BTBD16: variants seen among roughly 807,000 people sequenced by gnomAD.
BTBD16 encodes the protein BTB/POZ domain-containing protein 16.
A neutral mutation model predicts 67.4 loss-of-function variants in BTBD16; 66 were observed. The observed-to-expected ratio is 0.98, with a 90% CI of 0.80 to 1.20. The LOEUF is 1.20. Ranked by LOEUF, BTBD16 falls within the 50% of genes most tolerant of loss-of-function variation. The pLI is 0.00. For missense variants in BTBD16, 634 were observed against 616.0 expected (o/e 1.03, Z -0.31); for synonymous variants, 242 against 236.4 (o/e 1.02, Z -0.22).
intron 7 of BTBD16, among the ~76,000 whole-genome samples, chr10:122,294,545 TG>T (rs1340890190): frequency 7.2e-6 from 1 of 139,500 alleles, no homozygotes; most frequent in East Asian, 2.2e-4. Flanking sequence ...TGTGCATGCA[TG>T]TGTATGCACA....
In BTBD16 at chr10:122,291,132, G is replaced by A; in HGVS notation, c.528G>A (p.Leu176=). The change falls in exon 7 of 16, where the codon TTG becomes TTA. Residue 176 remains leucine (L), a synonymous_variant. Transcript: ENST00000260723. ...ACATGAGTGAGGTGGAGATTAACTT[G>A]GAAGACCTACTGGGAGTGCTGGCTT... ...NLYMSEVEIN[L]EDLLGVLASA... is the part of the protein sequence containing the mutation. The A allele has an allele frequency of 6.2e-7, 1 of 1,613,748 alleles. No individual in the cohort carries two copies. The highest frequency in any genetic ancestry group is 1.1e-5 in the South Asian group (1 of 90,948).
At chr10:122,312,692 G>T (rs967558402) in intron 10 of BTBD16, among the ~76,000 whole-genome samples, 1 of 152,102 alleles carries the variant, frequency 6.6e-6, no homozygotes, top group Non-Finnish European at 1.5e-5. Flanking sequence ...CTGCTAATGA[G>T]GTTGAGCATT....
At chr10:122,329,434 A>C in intron 10 of BTBD16, 46 bp from the exon 11 acceptor site, 1 of 1,576,236 alleles carries the variant, frequency 6.3e-7, no homozygotes, top group Non-Finnish European at 8.7e-7. Context: ...AATTCCAGAG[A>C]GGAGTTTGCT....
At chr10:122,320,487 CTT>C (rs1013015863) in intron 10 of BTBD16, among the ~76,000 whole-genome samples, 2 of 151,772 alleles carry the variant, frequency 1.3e-5, no homozygotes, top group African/African-American at 4.8e-5. Context: ...TGGTTTAAGA[CTT>C]TTTTTTCTAA....
intron 1 of BTBD16, among the ~76,000 whole-genome samples, chr10:122,272,199 A>C (rs999424083): frequency 2.6e-5 from 4 of 152,270 alleles, no homozygotes; most frequent in African/African-American, 7.2e-5. Context: ...ATTGCTGTAA[A>C]CTCAAGTGCA....
rs745931967 is a variant in BTBD16 at position 122,290,012 on chromosome 10, C to T, written c.475+14C>T. The T allele has an allele frequency of 1.3e-5, 19 of 1,499,888 alleles. No individual in the cohort carries two copies. Among genetic ancestry groups the T allele is most frequent in the Non-Finnish European group, 1.7e-5 (18 of 1,084,108 alleles). The allele number at this position is 1,499,888 out of a possible 1,614,324, so 92.9% of individuals were successfully genotyped here. On this transcript the variant is annotated intron_variant, in intron 6 of 15. Transcript: ENST00000260723. The stretch of plus-strand genomic sequence containing the variant: ...TCACTAAAGTCGGTATGTATATACC[C>T]GTCTATATTCTGAGAATGCCATTGA...
intron 5 of BTBD16, chr10:122,287,632 G>T (rs1343442242): frequency 4.7e-6 from 1 of 211,364 alleles, no homozygotes; most frequent in African/African-American, 2.4e-5. Flanking sequence ...CTTTAAAAGC[G>T]AAAATATCTC....
chr10:122,322,205 G>A (rs749513817), intron 10 of BTBD16, among the ~76,000 whole-genome samples: 8 of 151,628 alleles, frequency 5.3e-5, no homozygotes, highest in Non-Finnish European at 7.4e-5. Flanking sequence ...TTTTCTCTTC[G>A]TTATTTCCTT....
intron 7 of BTBD16, among the ~76,000 whole-genome samples, chr10:122,294,452 A>G (rs561705271): frequency 6.6e-6 from 1 of 152,026 alleles, no homozygotes; most frequent in East Asian, 1.9e-4. Context: ...TGTTCCTTTG[A>G]CTCTCATGTC....
At chr10:122,298,084 C>G (rs1363959591) in intron 8 of BTBD16, among the ~76,000 whole-genome samples, 1 of 152,126 alleles carries the variant, frequency 6.6e-6, no homozygotes, top group African/African-American at 2.4e-5. Flanking sequence ...GAAGAAGCAG[C>G]ATAGCCTTTC....
At chr10:122,292,876 A>G (rs1168242488) in intron 7 of BTBD16, among the ~76,000 whole-genome samples, 1 of 152,250 alleles carries the variant, frequency 6.6e-6, no homozygotes, top group Non-Finnish European at 1.5e-5. Flanking sequence ...TATAATAAGA[A>G]AGAGCATTTC....
intron 9 of BTBD16, among the ~76,000 whole-genome samples, chr10:122,305,353 G>A (rs1007875420): frequency 2.0e-5 from 3 of 152,178 alleles, no homozygotes; most frequent in Non-Finnish European, 4.4e-5. Context: ...GGGACCTGGT[G>A]AGAGGTGATT....
intron 9 of BTBD16, among the ~76,000 whole-genome samples, chr10:122,301,991 C>T (rs1316456013): frequency 6.6e-6 from 1 of 152,170 alleles, no homozygotes; most frequent in African/African-American, 2.4e-5. Context: ...AGTCACGTGG[C>T]CCCGGAGTGG....
chr10:122,310,351 C>T (rs2096411589), intron 10 of BTBD16, among the ~76,000 whole-genome samples: 1 of 152,188 alleles, frequency 6.6e-6, no homozygotes, highest in Non-Finnish European at 1.5e-5. Context: ...CCATCCCCTG[C>T]CGAGGATCCC....
chr10:122,311,481 C>T (rs769541430), intron 10 of BTBD16, among the ~76,000 whole-genome samples: 6 of 152,170 alleles, frequency 3.9e-5, no homozygotes, highest in Non-Finnish European at 5.9e-5. Flanking sequence ...TTTAACATCT[C>T]CTTGTAGGAA....
At chr10:122,273,290 T>G (rs1182492526) in intron 1 of BTBD16, among the ~76,000 whole-genome samples, 3 of 148,582 alleles carry the variant, frequency 2.0e-5, no homozygotes, top group Non-Finnish European at 4.5e-5. Flanking sequence ...ATAGGTAACA[T>G]GTATAGATAT....
chr10:122,328,632 C>T (rs181552603), intron 10 of BTBD16: 1 of 393,896 alleles, frequency 2.5e-6, no homozygotes, highest in East Asian at 1.6e-4. Context: ...AAATAATCTA[C>T]AAGTACCCTG....
At chr10:122,330,419 A>G (rs763134869) in intron 11 of BTBD16, among the ~76,000 whole-genome samples, 2 of 152,202 alleles carry the variant, frequency 1.3e-5, no homozygotes, top group Non-Finnish European at 2.9e-5. Flanking sequence ...TTTTGATAAT[A>G]TTGTGAGAAC....
rs1374718664 is a variant in BTBD16, at chr10:122,276,889, G to A, written c.117G>A (p.Met39Ile). 1.9e-6 allele frequency: 3 copies of A among 1,614,112 alleles called. No homozygotes were observed. The highest frequency in any genetic ancestry group is 2.7e-5 in the African/African-American group (2 of 74,940). The change falls in exon 3 of 16, where the codon ATG (methionine) becomes ATA (isoleucine). Residue 39 changes from methionine (M) to isoleucine (I), a missense_variant. Physicochemically the swap from Met to Ile is conservative, Grantham distance 10. Transcript: ENST00000260723. ...FSGDLLSLSQ[M>I]CKALSIDFEE... ...GGGACCTGCTCTCACTTTCCCAGAT[G>A]TGCAAGGCTCTGAGCATAGACTTTG...
Sources: gnomAD v4.1 joint callset for allele counts (sites outside exome capture counted in the v4.1 genomes callset) on GRCh38, gnomAD v4.1.1 for gene constraint, MANE v1.5 for transcripts, NCBI Gene and HGNC (gene_info 2026-07-23, HGNC 2026-07-21) for gene names.